AFTPH: variants seen among roughly 807,000 people sequenced by gnomAD.
AFTPH encodes the protein aftiphilin, also known as aftiphilin protein.
In AFTPH, 7 loss-of-function variants were observed where a neutral mutation model predicts 72.5. The ratio of observed to expected loss-of-function variants is 0.10; its 90% CI spans 0.05 to 0.18. The LOEUF is 0.18. Among genes scored for constraint, AFTPH ranks in the 10% least tolerant of loss-of-function variants. AFTPH has a pLI of 1.00. For missense variants in AFTPH, 979 were observed against 1,060.5 expected (o/e 0.92, Z 1.07); for synonymous variants, 337 against 370.1 (o/e 0.91, Z 1.03).
chr2:64,573,055 C>G (rs748213072), exon 6 of AFTPH: 1 of 1,613,894 alleles, frequency 6.2e-7, no homozygotes, highest in South Asian at 1.1e-5. Flanking sequence ...ACATGTACAT[C>G]TGATCAGTTC....
intron 2 of AFTPH, among the ~76,000 whole-genome samples, chr2:64,554,747 T>G: frequency 6.6e-6 from 1 of 152,360 alleles, no homozygotes; most frequent in African/African-American, 2.4e-5. Context: ...CTTGCCATTT[T>G]AAACAAGAAG....
intron 3 of AFTPH, 149 bp from the exon 4 acceptor site, chr2:64,568,943 G>A (rs922802584): frequency 4.7e-6 from 4 of 848,888 alleles, no homozygotes; most frequent in Non-Finnish European, 7.7e-6. Flanking sequence ...ATAAGTATTG[G>A]CTCTTGATTT....
chr2:64,573,627 TTAAC>T (rs944898007), intron 6 of AFTPH, among the ~76,000 whole-genome samples: 75 of 152,176 alleles, frequency 4.9e-4, no homozygotes, highest in African/African-American at 1.6e-3. Flanking sequence ...GATGTGACCT[TTAAC>T]TAAACAATCT....
chr2:64,585,400 G>A (rs1260724307), intron 7 of AFTPH, 22 bp from the exon 9 acceptor site: 3 of 1,612,362 alleles, frequency 1.9e-6, no homozygotes, highest in South Asian at 1.1e-5. Flanking sequence ...TGCCATCACT[G>A]ACTATCATTT....
At chr2:64,572,872 C>G in intron 5 of AFTPH, 74 bp from the exon 6 acceptor site, 2 of 1,555,446 alleles carry the variant, frequency 1.3e-6, no homozygotes, top group Non-Finnish European at 1.7e-6. Context: ...TTACCTTCTT[C>G]TTTCTGATAG....
intron 1 of AFTPH, among the ~76,000 whole-genome samples, chr2:64,549,815 A>G (rs1459302690): frequency 6.6e-6 from 1 of 152,188 alleles, no homozygotes; most frequent in African/African-American, 2.4e-5. Flanking sequence ...TTTGCTTTAC[A>G]TCATACACCA....
chr2:64,579,243 T>G (rs1226044082), intron 6 of AFTPH, among the ~76,000 whole-genome samples: 1 of 152,202 alleles, frequency 6.6e-6, no homozygotes, highest in Non-Finnish European at 1.5e-5. Context: ...TTTAAAAATG[T>G]AAAGATAATT....
rs546284641 is a variant in AFTPH at position 64,554,902 on chromosome 2, A to G, written c.1935+1493A>G. Reference sequence around the variant, plus strand: ...TTAGAACTTTTAACATCATCAGATAATGAATTTTTTAAAGTGTGACCACTC... The same window carrying G: ...TTAGAACTTTTAACATCATCAGATAGTGAATTTTTTAAAGTGTGACCACTC... On this transcript the variant is annotated intron_variant, in intron 2 of 8. Coordinates refer to ENST00000238856, the Ensembl canonical transcript of AFTPH. Among the ~76,000 whole-genome samples the G allele has an allele frequency of 2.0e-5, 3 of 152,368 alleles. No individual in the cohort carries two copies. The East Asian group carries it at 5.8e-4, about 29-fold the overall frequency.
exon 2 of AFTPH, chr2:64,552,713 A>T: frequency 6.2e-7 from 1 of 1,614,204 alleles, no homozygotes; most frequent in Non-Finnish European, 8.5e-7. Context: ...TAAGTGTAAA[A>T]AATGGTGATA....
intron 1 of AFTPH, among the ~76,000 whole-genome samples, chr2:64,532,022 C>G (rs996183570): frequency 1.3e-5 from 2 of 152,158 alleles, no homozygotes; most frequent in Non-Finnish European, 2.9e-5. Flanking sequence ...GGTAATTTTT[C>G]AAGTTACAAG....
At chr2:64,584,447 A>C (rs886794268) in intron 7 of AFTPH, among the ~76,000 whole-genome samples, 1 of 152,170 alleles carries the variant, frequency 6.6e-6, no homozygotes, top group African/African-American at 2.4e-5. Flanking sequence ...ACATGAGACT[A>C]CAGAAATTAA....
rs1553397846 is a variant in AFTPH, at chr2:64,548,433, A to AAACC, written c.-32-3007_-32-3006insCAAC. On this transcript the variant is annotated intron_variant, in intron 1 of 8. Transcript: ENST00000238856. The stretch of plus-strand genomic sequence containing the variant: ...AAAAAAAAAAAAAAAAAAAAAAAAA[A>AAACC]AACTTTAGAAAAAGGAATCCTGTAG... Among the ~76,000 whole-genome samples the AAACC allele has an allele frequency of 2.0e-5, 2 of 102,542 alleles. 1 individual carries two copies. Among genetic ancestry groups the AAACC allele is most frequent in the East Asian group, 5.0e-4 (2 of 3,984 alleles). The allele number at this position is 102,542 out of a possible 152,430, so 67.3% of individuals were successfully genotyped here.
At chr2:64,540,265 C>T (rs1365307918) in intron 1 of AFTPH, among the ~76,000 whole-genome samples, 1 of 152,124 alleles carries the variant, frequency 6.6e-6, no homozygotes, top group Non-Finnish European at 1.5e-5. Context: ...TTTCCAAGGG[C>T]TAATCCATCC....
Position 64,551,220 on chromosome 2 carries a change from CT to C in AFTPH, c.-32-212del, listed in dbSNP as rs576949624. The stretch of plus-strand genomic sequence containing the variant: ...CTTGGTAACATGTAGTCTAAGAGAA[CT>C]TTTTTTTTTTCCAGTGCACTATAGC... On this transcript the variant is annotated intron_variant, in intron 1 of 8. Coordinates refer to ENST00000238856, the Ensembl canonical transcript of AFTPH. Among the ~76,000 whole-genome samples the C allele has an allele frequency of 6.0e-3, 889 of 147,574 alleles. 8 individuals carry two copies. Among genetic ancestry groups the C allele is most frequent in the African/African-American group, 0.019 (783 of 40,454 alleles).
chr2:64,551,496 A>G (rs775779483), exon 2 of AFTPH: 2 of 1,613,870 alleles, frequency 1.2e-6, no homozygotes, highest in Non-Finnish European at 8.5e-7. Context: ...CATCATTCGA[A>G]TGTACTCTTC....
intron 1 of AFTPH, among the ~76,000 whole-genome samples, chr2:64,549,367 CTGGAGTGCTG>C (rs1200651066): frequency 1.7e-5 from 2 of 114,528 alleles, no homozygotes; most frequent in African/African-American, 6.6e-5. Flanking sequence ...GTCACTCAGG[CTGGAGTGCTG>C]TGGCACGATC....
In AFTPH at chr2:64,585,417, A is replaced by G. The variant is rs368658988; in HGVS notation, c.2456-5A>G. On this transcript the variant is annotated splice_region_variant and splice_polypyrimidine_tract_variant and intron_variant, in intron 7 of 8. Coordinates refer to ENST00000238856, the Ensembl canonical transcript of AFTPH. ...CCATCACTGACTATCATTTTATACT[A>G]TAAGGTGTGGATCCGGAGTTGTATG... The G allele has an allele frequency of 6.2e-7, 1 of 1,613,512 alleles. No homozygotes were observed. The highest frequency in any genetic ancestry group is 8.5e-7 in the Non-Finnish European group (1 of 1,179,912).
chr2:64,580,334 T>C (rs1319582012), intron 7 of AFTPH: 1 of 152,612 alleles, frequency 6.6e-6, no homozygotes, highest in African/African-American at 2.4e-5. Flanking sequence ...TTTGCCATTG[T>C]AAAAAAACAC....
chr2:64,582,247 G>A (rs572731045), intron 7 of AFTPH, among the ~76,000 whole-genome samples: 4 of 152,140 alleles, frequency 2.6e-5, no homozygotes, highest in African/African-American at 9.7e-5. Flanking sequence ...CTGGTTTTGT[G>A]CTATTCCACT....
Sources: allele counts gnomAD v4.1 joint callset (sites outside exome capture counted in the v4.1 genomes callset), GRCh38; gene constraint gnomAD v4.1.1; transcripts MANE v1.5; gene names NCBI Gene and HGNC (gene_info 2026-07-23, HGNC 2026-07-21).